Variants in CNTN3 observed in about 807,000 individuals in gnomAD.
CNTN3 encodes contactin 3.
A neutral mutation model predicts 119.1 loss-of-function variants in CNTN3; 60 were observed. That is an observed-to-expected ratio of 0.50 (90% CI 0.41 to 0.62). CNTN3 has a LOEUF of 0.62. Ranked by LOEUF, CNTN3 falls within the 20% of genes least tolerant of loss-of-function variation. The pLI, the probability that CNTN3 is intolerant of heterozygous loss-of-function variation, is 0.00. For synonymous variants in CNTN3, 450 were observed against 438.7 expected (o/e 1.03, Z -0.32); for missense variants, 1,101 against 1,242.4 (o/e 0.89, Z 1.71).
chr3:74,577,750 A>C (rs1188574134), intron 1 of CNTN3, among the ~76,000 whole-genome samples: 1 of 151,952 alleles, frequency 6.6e-6, no homozygotes, highest in East Asian at 1.9e-4. Context: ...TACTAACATT[A>C]ATTTTAGCCA....
Position 74,521,157 on chromosome 3 carries a change from G to A in CNTN3, c.-45C>T, listed in dbSNP as rs769507490. 1.7e-6 allele frequency: 2 copies of A among 1,176,416 alleles called. No homozygotes were observed. The highest frequency in any genetic ancestry group is 2.5e-6 in the Non-Finnish European group (2 of 815,602). 72.9% of individuals were successfully genotyped at this position (1,176,416 alleles called of 1,614,324 possible). A position where few individuals can be genotyped will look rare whatever the true frequency, so the allele number is the denominator to read the frequency against. On this transcript the variant is annotated 5_prime_UTR_variant, in exon 2 of 23. Transcript: ENST00000263665. ...GAGTAACTCTTGTCCAGTCTCTGAT[G>A]AATAGAATGCTTTCTCTTCAGGTAA...
chr3:74,393,189 TCAAA>T (rs1214857903), intron 5 of CNTN3, among the ~76,000 whole-genome samples: 1 of 152,164 alleles, frequency 6.6e-6, no homozygotes, highest in African/African-American at 2.4e-5. Context: ...AGAAACATCT[TCAAA>T]CATGAATCCA....
At chr3:74,401,111 A>G (rs1042178690) in intron 5 of CNTN3, among the ~76,000 whole-genome samples, 4 of 152,188 alleles carry the variant, frequency 2.6e-5, no homozygotes, top group African/African-American at 9.7e-5. Context: ...ATGCTTCTCA[A>G]CTGACAGGTT....
At chr3:74,360,689 T>G (rs1704055167) in intron 11 of CNTN3, among the ~76,000 whole-genome samples, 1 of 152,092 alleles carries the variant, frequency 6.6e-6, no homozygotes, top group African/African-American at 2.4e-5. Context: ...CTCATTCAGG[T>G]TGTTGGTGGA....
intron 1 of CNTN3, among the ~76,000 whole-genome samples, chr3:74,595,945 T>C (rs1280268779): frequency 0.025 from 3,739 of 148,252 alleles, no homozygotes; most frequent in African/African-American, 0.089. Flanking sequence ...AAAACCCCAT[T>C]GTCTCAGCCC....
At chr3:74,305,722 A>G (rs1005448329) in intron 13 of CNTN3, among the ~76,000 whole-genome samples, 5 of 150,824 alleles carry the variant, frequency 3.3e-5, no homozygotes, top group African/African-American at 1.2e-4. Flanking sequence ...TTTGGGATGA[A>G]GCACCATGAG....
At chr3:74,266,138 T>A (rs917127100) in intron 22 of CNTN3, among the ~76,000 whole-genome samples, 2 of 152,104 alleles carry the variant, frequency 1.3e-5, no homozygotes, top group African/African-American at 4.8e-5. Flanking sequence ...GGCAAATAAC[T>A]AGACTATTAA....
In CNTN3 at chr3:74,449,856, T is replaced by G. The variant is rs538320263; in HGVS notation, c.359-24916A>C. On this transcript the variant is annotated intron_variant, in intron 4 of 22. Coordinates refer to ENST00000263665, the MANE Select transcript of CNTN3 (RefSeq NM_020872.3). ...CAGAAACTTTGCATTCACAGGAATA[T>G]TGTGGGAACCTTAGCATGAAGCAAA... 1.8e-4 allele frequency among the ~76,000 whole-genome samples: 27 copies of G among 152,274 alleles called. 1 individual carries two copies. In the South Asian group the frequency reaches 5.6e-3, roughly 32 times the overall value.
intron 1 of CNTN3, among the ~76,000 whole-genome samples, chr3:74,546,982 G>A (rs1703924999): frequency 6.6e-6 from 1 of 151,824 alleles, no homozygotes; most frequent in Non-Finnish European, 1.5e-5. Context: ...TTTATTTTAT[G>A]ACTTATGTTC....
intron 5 of CNTN3, among the ~76,000 whole-genome samples, chr3:74,410,529 A>G (rs1701420935): frequency 6.6e-6 from 1 of 152,168 alleles, no homozygotes; most frequent in Non-Finnish European, 1.5e-5. Context: ...GGGGGATGTT[A>G]GTGGTGCTTA....
chr3:74,483,227 C>G (rs928123588), intron 4 of CNTN3, among the ~76,000 whole-genome samples: 1 of 151,852 alleles, frequency 6.6e-6, no homozygotes, highest in African/African-American at 2.4e-5. Flanking sequence ...TGGGGGGAAA[C>G]CTAAGGTATT....
chr3:74,270,900 TA>T (rs1056179883), intron 20 of CNTN3, among the ~76,000 whole-genome samples: 3 of 152,184 alleles, frequency 2.0e-5, no homozygotes, highest in Non-Finnish European at 2.9e-5. Flanking sequence ...CTAATCCTAG[TA>T]AAATGATGAC....
intron 13 of CNTN3, among the ~76,000 whole-genome samples, chr3:74,305,006 C>G (rs1702530481): frequency 6.6e-6 from 1 of 152,118 alleles, no homozygotes; most frequent in Admixed American, 6.5e-5. Context: ...TAAGGGAGTA[C>G]TACATAGAGA....
intron 1 of CNTN3, among the ~76,000 whole-genome samples, chr3:74,608,331 TC>T (rs1227439723): frequency 1.1e-4 from 17 of 152,146 alleles, no homozygotes; most frequent in Admixed American, 9.8e-4. Context: ...CTACAAAATT[TC>T]CCCCATTTAT....
chr3:74,352,514 G>C (rs999879833), intron 11 of CNTN3, among the ~76,000 whole-genome samples: 1 of 152,108 alleles, frequency 6.6e-6, no homozygotes, highest in African/African-American at 2.4e-5. Flanking sequence ...AACTTCCATG[G>C]TCACCTTAAT....
intron 13 of CNTN3, among the ~76,000 whole-genome samples, chr3:74,313,443 TA>T (rs1038063883): frequency 9.3e-5 from 14 of 150,380 alleles, no homozygotes; most frequent in South Asian, 2.1e-4. Flanking sequence ...AATGAAAGAT[TA>T]AAAAAAAAAT....
intron 3 of CNTN3, among the ~76,000 whole-genome samples, chr3:74,494,234 T>C (rs182119122): frequency 1.7e-4 from 26 of 152,184 alleles, no homozygotes; most frequent in Non-Finnish European, 3.7e-4. Context: ...GTGACCCAAC[T>C]GATTTAGCTT....
At chr3:74,278,251 T>C (rs1251886867) in intron 20 of CNTN3, among the ~76,000 whole-genome samples, 1 of 151,814 alleles carries the variant, frequency 6.6e-6, no homozygotes, top group Admixed American at 6.6e-5. Context: ...CTTCAAAGGA[T>C]TATAAAAAAA....
chr3:74,302,072 A>G (rs975284825), intron 14 of CNTN3, among the ~76,000 whole-genome samples: 1 of 152,298 alleles, frequency 6.6e-6, no homozygotes, highest in East Asian at 1.9e-4. Context: ...GATGATATTC[A>G]CTTTTAAAAG....
Sources: gnomAD v4.1 joint callset for allele counts (sites outside exome capture counted in the v4.1 genomes callset) on GRCh38, gnomAD v4.1.1 for gene constraint, MANE v1.5 for transcripts, NCBI Gene and HGNC (gene_info 2026-07-23, HGNC 2026-07-21) for gene names.